Variants in SEMA5A observed in about 807,000 individuals in gnomAD.
SEMA5A encodes the protein semaphorin 5A, also known as semaphorin-5A.
Under a neutral mutation model 135.5 loss-of-function variants are expected in SEMA5A, and 55 were observed. The observed-to-expected ratio is 0.41, with a 90% confidence interval of 0.33 to 0.51. SEMA5A has a LOEUF of 0.51. Among genes scored for constraint, SEMA5A ranks in the 20% least tolerant of loss-of-function variants. The pLI is 0.37. For synonymous variants in SEMA5A, 580 were observed against 546.5 expected, an observed-to-expected ratio of 1.06 and a Z score of -0.85; for missense variants, 1,290 against 1,419.9, an observed-to-expected ratio of 0.91 and a Z score of 1.47.
chr5:9,487,935 T>A (rs1734812826), intron 1 of SEMA5A, among the ~76,000 whole-genome samples: 1 of 152,158 alleles, frequency 6.6e-6, no homozygotes, highest in South Asian at 2.1e-4. Context: ...TAATTGGTCA[T>A]CTTGTGTTTG....
At chr5:9,236,891 G>T (rs1352015903) in intron 6 of SEMA5A, among the ~76,000 whole-genome samples, 1 of 152,128 alleles carries the variant, frequency 6.6e-6, no homozygotes, top group East Asian at 1.9e-4. Flanking sequence ...CAGTTAAAGG[G>T]CAGGGAAGCA....
At chr5:9,334,273 A>G (rs1257225373) in intron 4 of SEMA5A, among the ~76,000 whole-genome samples, 1 of 152,156 alleles carries the variant, frequency 6.6e-6, no homozygotes, top group Non-Finnish European at 1.5e-5. Context: ...ACCATTACTG[A>G]TTTCTGAAAT....
Position 9,042,761 on chromosome 5 carries a change from T to C in SEMA5A, c.*136A>G. 9.8e-7 allele frequency: 1 copy of C among 1,017,626 alleles called. No individual in the cohort carries two copies. The highest frequency in any genetic ancestry group is 1.5e-5 in the South Asian group (1 of 67,058). The allele number at this position is 1,017,626 out of a possible 1,614,324, so 63.0% of individuals were successfully genotyped here. On this transcript the variant is annotated 3_prime_UTR_variant, in exon 23 of 23. Coordinates refer to ENST00000382496, the MANE Select transcript of SEMA5A (RefSeq NM_003966.3). Reference sequence around the variant, plus strand: ...TAAAGACGTGTATTTTTGGCAGCAATGGGACACTCTGGTGGCTTGAAATGC... The same window carrying C: ...TAAAGACGTGTATTTTTGGCAGCAACGGGACACTCTGGTGGCTTGAAATGC...
intron 12 of SEMA5A, among the ~76,000 whole-genome samples, chr5:9,137,189 C>T (rs780237077): frequency 4.6e-5 from 7 of 152,152 alleles, no homozygotes; most frequent in Non-Finnish European, 1.0e-4. Context: ...CAACAACATG[C>T]AGATACATCC....
chr5:9,241,702 T>C (rs549966002), intron 5 of SEMA5A, among the ~76,000 whole-genome samples: 153 of 152,260 alleles, frequency 1.0e-3, no homozygotes, highest in African/African-American at 3.6e-3. Context: ...ATACTACGGT[T>C]AGGATAAATG....
At chr5:9,268,197 T>C (rs562298369) in intron 5 of SEMA5A, among the ~76,000 whole-genome samples, 11 of 152,298 alleles carry the variant, frequency 7.2e-5, no homozygotes, top group Non-Finnish European at 1.2e-4. Context: ...AGATTTCATC[T>C]GTTAAGAATC....
intron 5 of SEMA5A, among the ~76,000 whole-genome samples, chr5:9,289,238 A>G (rs1043077602): frequency 6.6e-6 from 1 of 152,234 alleles, no homozygotes; most frequent in Non-Finnish European, 1.5e-5. Context: ...ATCAAGATAA[A>G]ATGATTGATA....
chr5:9,069,947 G>T (rs1737685194), intron 16 of SEMA5A, among the ~76,000 whole-genome samples: 1 of 152,168 alleles, frequency 6.6e-6, no homozygotes, highest in Admixed American at 6.5e-5. Context: ...TGGACCCTCT[G>T]TGCCTCTAGT....
chr5:9,048,223 A>C lies in SEMA5A; in HGVS notation c.2893+2187T>G, dbSNP rs1736378318. Among the ~76,000 whole-genome samples, 3 of 152,246 alleles carry C rather than the reference A, an allele frequency of 2.0e-5. No homozygotes were observed. In the South Asian group the frequency reaches 6.2e-4, roughly 32 times the overall value. On this transcript the variant is annotated intron_variant, in intron 21 of 22. Coordinates refer to ENST00000382496, the MANE Select transcript of SEMA5A (RefSeq NM_003966.3). ...CTCCCGAACACAATGCTTTTGGATA[A>C]TTTTATTGTCAGGGCTCGTTTCCTA...
intron 4 of SEMA5A, among the ~76,000 whole-genome samples, chr5:9,328,200 A>G (rs1292832045): frequency 1.3e-5 from 2 of 152,134 alleles, no homozygotes; most frequent in Non-Finnish European, 2.9e-5. Flanking sequence ...ATCAGAACTG[A>G]AACGTGTCTC....
At chr5:9,162,713 G>T (rs944737379) in intron 11 of SEMA5A, among the ~76,000 whole-genome samples, 1 of 151,390 alleles carries the variant, frequency 6.6e-6, no homozygotes, top group African/African-American at 2.4e-5. Context: ...CTCTAAATTT[G>T]AACCTTCTTT....
At chr5:9,307,739 C>T (rs1751938477) in intron 5 of SEMA5A, among the ~76,000 whole-genome samples, 1 of 152,064 alleles carries the variant, frequency 6.6e-6, no homozygotes, top group Admixed American at 6.6e-5. Flanking sequence ...AGTCATGGCA[C>T]TTATGGGGGC....
chr5:9,132,078 A>G (rs1382918), intron 13 of SEMA5A, among the ~76,000 whole-genome samples: 29,296 of 152,144 alleles, frequency 0.19, 3,188 homozygotes, highest in East Asian at 0.31. Context: ...AATGTTTTCA[A>G]TTACAATTTT....
At chr5:9,537,348 T>G (rs1426186674) in intron 1 of SEMA5A, among the ~76,000 whole-genome samples, 1 of 152,260 alleles carries the variant, frequency 6.6e-6, no homozygotes, top group Non-Finnish European at 1.5e-5. Flanking sequence ...TTTAACTGAA[T>G]GGCTAATTAG....
chr5:9,384,593 TAG>T (rs1330807108), intron 2 of SEMA5A, among the ~76,000 whole-genome samples: 2 of 126,194 alleles, frequency 1.6e-5, no homozygotes, highest in Non-Finnish European at 3.4e-5. Context: ...GATAGATAGA[TAG>T]ATAGATAGAT....
At chr5:9,459,211 G>A (rs1045835396) in intron 1 of SEMA5A, among the ~76,000 whole-genome samples, 33 of 152,232 alleles carry the variant, frequency 2.2e-4, no homozygotes, top group African/African-American at 7.7e-4. Context: ...AGATTTTAAG[G>A]CAGCTACCCT....
chr5:9,217,252 C>T (rs936093061), intron 8 of SEMA5A, among the ~76,000 whole-genome samples: 12 of 152,064 alleles, frequency 7.9e-5, no homozygotes, highest in South Asian at 2.1e-4. Flanking sequence ...TAAGTTTAGC[C>T]GGATATGAAA....
intron 16 of SEMA5A, among the ~76,000 whole-genome samples, chr5:9,082,764 G>A (rs1738461210): frequency 6.6e-6 from 1 of 152,082 alleles, no homozygotes; most frequent in Admixed American, 6.6e-5. Context: ...AAAGCATCAG[G>A]GATTCTCCAA....
intron 11 of SEMA5A, among the ~76,000 whole-genome samples, chr5:9,175,195 A>G (rs190974006): frequency 7.7e-4 from 117 of 152,136 alleles, no homozygotes; most frequent in Non-Finnish European, 1.5e-3. Context: ...CCGTGTGTTC[A>G]TGGAGGGTCA....
Sources: gnomAD v4.1 joint callset for allele counts (sites outside exome capture counted in the v4.1 genomes callset) on GRCh38, gnomAD v4.1.1 for gene constraint, MANE v1.5 for transcripts, NCBI Gene and HGNC (gene_info 2026-07-23, HGNC 2026-07-21) for gene names.